CLIP1: variants seen among roughly 807,000 people sequenced by gnomAD.
The protein encoded by CLIP1 is CAP-Gly domain containing linker protein 1.
Under a neutral mutation model 161.6 loss-of-function variants are expected in CLIP1, and 66 were observed. The ratio of observed to expected loss-of-function variants is 0.41; its 90% CI spans 0.33 to 0.50. CLIP1 has a LOEUF of 0.50. CLIP1 is among the 20% of genes least tolerant of loss of function. The pLI is 0.27. For missense variants in CLIP1, 1,376 were observed against 1,702.0 expected (o/e 0.81, Z 3.37); for synonymous variants, 598 against 626.2 (o/e 0.96, Z 0.67).
rs566269971 is a variant in CLIP1 at position 122,340,669 on chromosome 12, T to C, written c.2451+84A>G. ...TTAATTAAATCAGCAATTTGGAAGA[T>C]GAATGATCTCAACTCAAAAGTAACA... On this transcript the variant is annotated intron_variant, in intron 11 of 25. Transcript: ENST00000620786. 9.7e-6 allele frequency: 11 copies of C among 1,130,218 alleles called. No individual in the cohort carries two copies. In the South Asian group the frequency reaches 1.7e-4, roughly 18 times the overall value. The allele number at this position is 1,130,218 out of a possible 1,614,324, so 70.0% of individuals were successfully genotyped here. A position where few individuals can be genotyped will look rare whatever the true frequency, so the allele number is the denominator to read the frequency against.
chr12:122,414,915 G>C (rs1956677892), intron 1 of CLIP1, among the ~76,000 whole-genome samples: 2 of 152,040 alleles, frequency 1.3e-5, no homozygotes, highest in African/African-American at 4.8e-5. Flanking sequence ...AAAATTAGCT[G>C]GGCATGGTGG....
intron 13 of CLIP1, among the ~76,000 whole-genome samples, 187 bp downstream of exon 13, chr12:122,334,461 A>C (rs921444772): frequency 3.9e-5 from 6 of 152,240 alleles, no homozygotes; most frequent in African/African-American, 1.4e-4. Flanking sequence ...AAGCTAAAAG[A>C]AGAAAAAATT....
intron 20 of CLIP1, among the ~76,000 whole-genome samples, chr12:122,308,466 G>A (rs1423513625): frequency 6.6e-6 from 1 of 152,142 alleles, no homozygotes; most frequent in African/African-American, 2.4e-5. Context: ...CATTCTTCAT[G>A]ACCTCCAGTT....
Position 122,390,304 on chromosome 12 carries a change from G to GTATATA in CLIP1, c.-106-9752_-106-9747dup, listed in dbSNP as rs1214497438. On this transcript the variant is annotated intron_variant, in intron 1 of 25. Coordinates refer to ENST00000620786, the MANE Select transcript of CLIP1 (RefSeq NM_001247997.2). ...CATATATATATATATATATATATATGTATATATATATATATTATTTTTTTT... is the reference window on the plus strand; with the variant it reads ...CATATATATATATATATATATATATGTATATATATATATATATATATTATTTTTTTT... Among the ~76,000 whole-genome samples, 13 of 88,252 alleles carry GTATATA rather than the reference G, an allele frequency of 1.5e-4. No homozygotes were observed. In the East Asian group the frequency reaches 3.1e-3, roughly 21 times the overall value. 57.9% of individuals were successfully genotyped at this position (88,252 alleles called of 152,430 possible).
intron 3 of CLIP1, 39 bp downstream of exon 3, chr12:122,377,350 C>T (rs1954789886): frequency 1.3e-6 from 2 of 1,549,522 alleles, no homozygotes; most frequent in African/African-American, 1.4e-5. Context: ...GTTTATATCT[C>T]AGTTCAATGA....
chr12:122,344,686 T>C (rs1952662415), intron 10 of CLIP1, among the ~76,000 whole-genome samples: 1 of 152,248 alleles, frequency 6.6e-6, no homozygotes, highest in African/African-American at 2.4e-5. Context: ...CTATGTGGTA[T>C]GTCTGCTTCT....
chr12:122,372,930 C>G (rs1954526846), intron 3 of CLIP1, among the ~76,000 whole-genome samples: 1 of 152,104 alleles, frequency 6.6e-6, no homozygotes, highest in Admixed American at 6.6e-5. Context: ...AAGGTCACAA[C>G]CAGGCTCATA....
intron 17 of CLIP1, chr12:122,324,307 T>C (rs1261970776): frequency 6.6e-6 from 1 of 152,644 alleles, no homozygotes; most frequent in East Asian, 1.9e-4. Flanking sequence ...GCTGCTTCTC[T>C]GATTTCAGAC....
rs540053129 is a variant in CLIP1, at chr12:122,358,034, G to A, written c.1006-2722C>T. On this transcript the variant is annotated intron_variant, in intron 5 of 25. Coordinates refer to ENST00000620786, the MANE Select transcript of CLIP1 (RefSeq NM_001247997.2). Reference sequence around the variant, plus strand: ...GGGGAAAAGATTGAGAAATCGAATGGTTGCCATGTCTGTGTAGAAAGAGGT... The same window carrying A: ...GGGGAAAAGATTGAGAAATCGAATGATTGCCATGTCTGTGTAGAAAGAGGT... 1.6e-3 allele frequency among the ~76,000 whole-genome samples: 251 copies of A among 152,322 alleles called. 4 individuals carry two copies. Among genetic ancestry groups the A allele is most frequent in the African/African-American group, 1.4e-3 (60 of 41,562 alleles).
At chr12:122,290,527 T>C (rs1373126211) in intron 20 of CLIP1, among the ~76,000 whole-genome samples, 1 of 152,126 alleles carries the variant, frequency 6.6e-6, no homozygotes, top group South Asian at 2.1e-4. Context: ...GTTTTAGTTT[T>C]ATAATTTAAA....
intron 1 of CLIP1, among the ~76,000 whole-genome samples, chr12:122,404,317 C>T (rs902902073): frequency 1.3e-5 from 2 of 152,142 alleles, no homozygotes; most frequent in Non-Finnish European, 2.9e-5. Flanking sequence ...ACAGAATAGG[C>T]CGGGTGCAGT....
chr12:122,302,297 T>G (rs138222302), intron 20 of CLIP1, among the ~76,000 whole-genome samples: 2 of 152,174 alleles, frequency 1.3e-5, no homozygotes, highest in African/African-American at 4.8e-5. Flanking sequence ...AGATGGAGTT[T>G]CTCCATGTTG....
chr12:122,288,400 CA>C, intron 21 of CLIP1, 88 bp downstream of exon 21: 1 of 1,118,722 alleles, frequency 8.9e-7, no homozygotes, highest in African/African-American at 1.6e-5. Flanking sequence ...CTAAGAAGGT[CA>C]CTTGTTTTCT....
rs996420349 is a variant in CLIP1, at chr12:122,328,284, A to G, written c.3010T>C (p.Leu1004=). The change falls in exon 16 of 26, where the codon TTG becomes CTG. Residue 1004 remains leucine, a synonymous_variant. Coordinates refer to ENST00000620786, the MANE Select transcript of CLIP1 (RefSeq NM_001247997.2). ...AKKHEEEKKE[L]ERKLSDLEKK... ...ACCAGGTCCGACAATTTCCTCTCCAATTCTTTCTTTTCTTCCTCATGCTTT... is the reference window on the plus strand; with the variant it reads ...ACCAGGTCCGACAATTTCCTCTCCAGTTCTTTCTTTTCTTCCTCATGCTTT... 1 of 1,613,674 alleles carries G rather than the reference A, an allele frequency of 6.2e-7. No homozygotes were observed. Among genetic ancestry groups the G allele is most frequent in the East Asian group, 2.2e-5 (1 of 44,856 alleles).
chr12:122,378,550 A>G (rs914591088), intron 2 of CLIP1, among the ~76,000 whole-genome samples: 1 of 152,204 alleles, frequency 6.6e-6, no homozygotes, highest in African/African-American at 2.4e-5. Context: ...TAAGAAAAAA[A>G]TAAAATCAGT....
At chr12:122,300,457 T>C (rs765869794) in intron 20 of CLIP1, among the ~76,000 whole-genome samples, 3 of 152,236 alleles carry the variant, frequency 2.0e-5, no homozygotes, top group Admixed American at 2.0e-4. Flanking sequence ...TACCACAAGA[T>C]ATATGTGATT....
At position 122,362,894 on chromosome 12, in the gene CLIP1, G is replaced by A. The variant is rs546552013; in HGVS notation, c.782+1089C>T. On this transcript the variant is annotated intron_variant, in intron 4 of 25. Transcript: ENST00000620786. ...CTAAAGGATTACAGTGTTTTAATAT[G>A]AAGAAAAGATGGCTTCATAATCATT... is the stretch of plus-strand genomic sequence containing the variant. 1.4e-4 allele frequency among the ~76,000 whole-genome samples: 22 copies of A among 151,926 alleles called. 1 individual carries two copies. The South Asian group carries it at 4.6e-3, about 32-fold the overall frequency.
intron 21 of CLIP1, among the ~76,000 whole-genome samples, chr12:122,281,490 C>A (rs1030433858): frequency 6.6e-6 from 1 of 151,740 alleles, no homozygotes; most frequent in African/African-American, 2.4e-5. Context: ...AGTTCGAGAC[C>A]AGCCTGGTTG....
intron 1 of CLIP1, among the ~76,000 whole-genome samples, chr12:122,407,394 A>G (rs2137131898): frequency 6.6e-6 from 1 of 152,288 alleles, no homozygotes; most frequent in South Asian, 2.1e-4. Flanking sequence ...GTGAGATCAA[A>G]GAGTCAATCT....
Sources: gnomAD v4.1 joint callset for allele counts (sites outside exome capture counted in the v4.1 genomes callset) on GRCh38, gnomAD v4.1.1 for gene constraint, MANE v1.5 for transcripts, NCBI Gene and HGNC (gene_info 2026-07-23, HGNC 2026-07-21) for gene names.